Variants in PFKP observed in about 807,000 individuals in gnomAD.
PFKP encodes the protein phosphofructokinase, platelet.
Under a neutral mutation model 94.3 loss-of-function variants are expected in PFKP, and 101 were observed. That is an observed-to-expected ratio of 1.07 (90% CI 0.91 to 1.26). The LOEUF is 1.26. Ranked by LOEUF, PFKP falls within the 50% of genes most tolerant of loss-of-function variation. The pLI is 0.00. For missense variants in PFKP, 1,145 were observed against 1,103.3 expected, an observed-to-expected ratio of 1.04 and a Z score of -0.53; for synonymous variants, 573 against 432.6, an observed-to-expected ratio of 1.32 and a Z score of -4.03.
At chr10:3,125,850 A>AT (rs1208225391) in intron 16 of PFKP, among the ~76,000 whole-genome samples, 3 of 152,232 alleles carry the variant, frequency 2.0e-5, no homozygotes, top group African/African-American at 7.2e-5. Flanking sequence ...TAAGCTGGAC[A>AT]TGAAGACCTA....
At chr10:3,130,105 C>T in intron 17 of PFKP, 122 bp downstream of exon 17, 1 of 874,630 alleles carries the variant, frequency 1.1e-6, no homozygotes, top group Non-Finnish European at 1.7e-6. Flanking sequence ...TGCTACAGAA[C>T]ATGCCACGCT....
At position 3,119,022 on chromosome 10, in the gene PFKP, G is replaced by C. The variant is rs189169388; in HGVS notation, c.1530+153G>C. ...TGGAGAATTGTAGAACAGCAGGATA[G>C]CAGGTGGTAAGACGTGGCCTACGAG... is the stretch of plus-strand genomic sequence containing the variant. On this transcript the variant is annotated intron_variant, in intron 15 of 21. Transcript: ENST00000381125. 1.5e-3 allele frequency among the ~76,000 whole-genome samples: 231 copies of C among 152,324 alleles called. 2 individuals carry two copies. Among genetic ancestry groups the C allele is most frequent in the African/African-American group, 5.1e-3 (212 of 41,552 alleles).
intron 16 of PFKP, chr10:3,125,125 A>T: frequency 7.5e-7 from 1 of 1,329,050 alleles, no homozygotes; most frequent in Non-Finnish European, 9.9e-7. Context: ...GACATGGCCG[A>T]GGCACGAGGC....
chr10:3,121,080 A>T (rs552671085), intron 16 of PFKP, among the ~76,000 whole-genome samples: 1 of 152,240 alleles, frequency 6.6e-6, no homozygotes, highest in African/African-American at 2.4e-5. Flanking sequence ...CAAGCTTTTA[A>T]CATACAGCTC....
rs1460204479 is a variant in PFKP at position 3,073,370 on chromosome 10, C to T, written c.112+5663C>T. 2.6e-5 allele frequency among the ~76,000 whole-genome samples: 4 copies of T among 152,040 alleles called. No individual in the cohort carries two copies. The East Asian group carries it at 7.7e-4, about 29-fold the overall frequency. ...GAGAATAGGCTGGACTGTGCTGGGA[C>T]CCCCAACCCCAGGGCCCGTGTGCTA... On this transcript the variant is annotated intron_variant, in intron 1 of 21. Transcript: ENST00000381125.
chr10:3,127,859 A>C (rs1838130426), intron 16 of PFKP, among the ~76,000 whole-genome samples: 1 of 152,264 alleles, frequency 6.6e-6, no homozygotes, highest in Non-Finnish European at 1.5e-5. Context: ...GAATCTGCCA[A>C]AGAAACTGGA....
intron 2 of PFKP, among the ~76,000 whole-genome samples, chr10:3,087,832 C>T (rs925708085): frequency 3.3e-5 from 5 of 152,038 alleles, no homozygotes; most frequent in African/African-American, 1.2e-4. Context: ...TACCTCTGGG[C>T]GTCTTGGGAA....
intron 4 of PFKP, among the ~76,000 whole-genome samples, chr10:3,103,265 G>T (rs1835193229): frequency 6.6e-6 from 1 of 152,226 alleles, no homozygotes; most frequent in Non-Finnish European, 1.5e-5. Context: ...AGTGCCAGGT[G>T]ACAGAGTCCA....
At chr10:3,086,142 G>A (rs1213544688) in intron 2 of PFKP, among the ~76,000 whole-genome samples, 1 of 152,138 alleles carries the variant, frequency 6.6e-6, no homozygotes, top group Non-Finnish European at 1.5e-5. Context: ...TTCGCAAAAT[G>A]TTTTTAAATT....
At chr10:3,084,729 C>T (rs1324698232) in intron 2 of PFKP, among the ~76,000 whole-genome samples, 1 of 133,230 alleles carries the variant, frequency 7.5e-6, no homozygotes, top group South Asian at 2.2e-4. Flanking sequence ...GTCCTCCAGC[C>T]CCTCCCCAGG....
At chr10:3,108,908 G>A (rs57984848) in intron 9 of PFKP, 115 bp downstream of exon 9, 7,931 of 772,690 alleles carry the variant, frequency 0.01, 54 homozygotes, top group East Asian at 0.023. Flanking sequence ...AGAGATGCCC[G>A]CGGCCCGGCC....
At chr10:3,103,705 C>G in intron 4 of PFKP, 74 bp from the exon 5 acceptor site, 1 of 1,491,044 alleles carries the variant, frequency 6.7e-7, no homozygotes, top group South Asian at 1.2e-5. Context: ...GCCATTCTGC[C>G]TCACCCCTAG....
Position 3,108,730 on chromosome 10 carries a change from A to T in PFKP, c.900A>T (p.Thr300=), listed in dbSNP as rs1385829208. Residue 300 remains threonine, a synonymous_variant, in exon 9 of 22, where the codon ACA becomes ACT. Transcript: ENST00000381125. ...TCGTCACGCAGCTGGGCTATGACAC[A>T]CGTGTGACCATCCTCGGGCACGTGC... is the stretch of plus-strand genomic sequence containing the variant. ...ELVVTQLGYD[T]RVTILGHVQR... 3.7e-6 allele frequency: 6 copies of T among 1,613,916 alleles called. No individual in the cohort carries two copies. In the East Asian group the frequency reaches 1.3e-4, roughly 36 times the overall value.
Position 3,107,236 on chromosome 10 carries a change from T to C in PFKP, c.797T>C (p.Leu266Pro). 3.7e-6 allele frequency: 6 copies of C among 1,611,202 alleles called. No homozygotes were observed. Among genetic ancestry groups the C allele is most frequent in the Non-Finnish European group, 4.2e-6 (5 of 1,178,042 alleles). The change falls in exon 8 of 22, where the codon CTG (leucine) becomes CCG (proline). Residue 266 changes from leucine (L) to proline (P), a missense_variant. Physicochemically the swap from Leu to Pro is moderately conservative, Grantham distance 98 (BLOSUM62 -3). Transcript: ENST00000381125. ...LSENRARKKRLNIIIVAEGAI... is the reference protein window; with the variant it reads ...LSENRARKKRPNIIIVAEGAI... ...CAGAACCGTGCCCGGAAAAAAAGGC[T>C]GAATATTATTATTGTGGCTGAAGGA...
intron 12 of PFKP, 24 bp downstream of exon 12, chr10:3,113,212 G>T: frequency 6.2e-7 from 1 of 1,606,062 alleles, no homozygotes; most frequent in Non-Finnish European, 8.5e-7. Flanking sequence ...CTCCCGCGAT[G>T]CCCCGACCTC....
chr10:3,129,862 G>A lies in PFKP; in HGVS notation c.1727G>A (p.Arg576His), dbSNP rs1002309895. 6 of 1,613,558 alleles carry A rather than the reference G, an allele frequency of 3.7e-6. No individual in the cohort carries two copies. Among genetic ancestry groups the A allele is most frequent in the South Asian group, 1.1e-5 (1 of 91,084 alleles). The change falls in exon 17 of 22, where the codon CGC (arginine) becomes CAC (histidine). Residue 576 changes from arginine (R) to histidine (H), a missense_variant. Physicochemically the swap from Arg to His is conservative, Grantham distance 29. Transcript: ENST00000381125. ...IKQSASGTKR[R>H]VFIIETMGGY... Reference sequence around the variant, plus strand: ...CAGTCCGCCAGCGGAACCAAGCGGCGCGTGTTCATCATCGAGACCATGGGC... The same window carrying A: ...CAGTCCGCCAGCGGAACCAAGCGGCACGTGTTCATCATCGAGACCATGGGC...
At chr10:3,080,317 A>G (rs12411396) in intron 1 of PFKP, among the ~76,000 whole-genome samples, 34,265 of 151,548 alleles carry the variant, frequency 0.23, 4,145 homozygotes, top group East Asian at 0.34. Context: ...GGAGATGGAG[A>G]CCATCCTGGC....
chr10:3,108,080 A>G lies in PFKP; in HGVS notation c.871-621A>G, dbSNP rs1381102305. The G allele has an allele frequency of 2.6e-6, 3 of 1,138,080 alleles. No homozygotes were observed. The East Asian group carries it at 1.7e-4, about 66-fold the overall frequency. The allele number at this position is 1,138,080 out of a possible 1,614,324, so 70.5% of individuals were successfully genotyped here. On this transcript the variant is annotated intron_variant, in intron 8 of 21. Transcript: ENST00000381125. ...CTGGGAAAGACATCTGCCAATATTT[A>G]TAAGTGGTCATCCATAAAGTCCAGG...
At position 3,076,049 on chromosome 10, in the gene PFKP, C is replaced by T. The variant is rs529594593; in HGVS notation, c.113-6339C>T. 6.9e-3 allele frequency among the ~76,000 whole-genome samples: 889 copies of T among 128,782 alleles called. 12 individuals are homozygous for T. Among genetic ancestry groups the T allele is most frequent in the African/African-American group, 0.025 (846 of 33,846 alleles). The allele number at this position is 128,782 out of a possible 152,430, so 84.5% of individuals were successfully genotyped here. On this transcript the variant is annotated intron_variant, in intron 1 of 21. Transcript: ENST00000381125. The stretch of plus-strand genomic sequence containing the variant: ...AAAAAAAAAAAAAAAAAGTAAAAAC[C>T]GGTAAAAGCAAAAAACTATGTTTTA...
Sources: gnomAD v4.1 joint callset for allele counts (sites outside exome capture counted in the v4.1 genomes callset) on GRCh38, gnomAD v4.1.1 for gene constraint, MANE v1.5 for transcripts, NCBI Gene and HGNC (gene_info 2026-07-23, HGNC 2026-07-21) for gene names.